The following NUP205 variants were observed in gnomAD, a reference collection of about 807,000 sequenced individuals.
The protein encoded by NUP205 is nucleoporin 205.
A neutral mutation model predicts 253.8 loss-of-function variants in NUP205; 76 were observed. That is an observed-to-expected ratio of 0.30 (90% CI 0.25 to 0.36). The LOEUF (loss-of-function observed/expected upper bound fraction) is 0.36. NUP205 is among the 10% of genes least tolerant of loss of function. NUP205 has a pLI of 1.00. For synonymous variants in NUP205, 832 were observed against 850.1 expected (o/e 0.98, Z 0.37); for missense variants, 2,162 against 2,425.5 (o/e 0.89, Z 2.28).
Position 135,601,424 on chromosome 7 carries a change from T to C in NUP205, c.2429T>C (p.Leu810Pro). The C allele has an allele frequency of 6.2e-7, 1 of 1,613,904 alleles. No individual in the cohort carries two copies. Among genetic ancestry groups the C allele is most frequent in the Non-Finnish European group, 8.5e-7 (1 of 1,179,800 alleles). Residue 810 changes from leucine to proline, a missense_variant, in exon 17 of 43, where the codon CTG (leucine) becomes CCG (proline). By Grantham distance (98) the Leu-to-Pro change is moderately conservative. Coordinates refer to ENST00000285968, the MANE Select transcript of NUP205 (RefSeq NM_015135.3). ...GGATTTAGTCTGATGTATCATCTGC[T>C]GAATGAGTCACCAATGTTGGAGCTT... ...PPGFSLMYHLLNESPMLELAL... is the reference protein window; with the variant it reads ...PPGFSLMYHLPNESPMLELAL...
intron 22 of NUP205, among the ~76,000 whole-genome samples, chr7:135,611,244 A>G (rs934937120): frequency 1.5e-4 from 23 of 152,262 alleles, no homozygotes. Flanking sequence ...TCCTGACCTC[A>G]GGTGATCCGT....
At chr7:135,576,461 A>G in intron 4 of NUP205, 47 bp downstream of exon 4, 1 of 1,533,518 alleles carries the variant, frequency 6.5e-7, no homozygotes, top group Middle Eastern at 1.7e-4. Flanking sequence ...AAATTACTTG[A>G]AGTATGACAA....
chr7:135,575,185 GT>G (rs1394261368), intron 3 of NUP205, among the ~76,000 whole-genome samples: 9 of 152,316 alleles, frequency 5.9e-5, no homozygotes, highest in Non-Finnish European at 1.2e-4. Context: ...AATTAATGCA[GT>G]TTTGTGCAAG....
chr7:135,635,544 TATA>T (rs368192999), intron 35 of NUP205, 34 bp from the exon 36 acceptor site: 30 of 1,101,388 alleles, frequency 2.7e-5, no homozygotes, highest in Middle Eastern at 2.8e-4. Flanking sequence ...TTTTGTTTAT[TATA>T]ATAATATGTT....
intron 30 of NUP205, among the ~76,000 whole-genome samples, 162 bp from the exon 31 acceptor site, chr7:135,622,615 C>T (rs1406999290): frequency 6.6e-6 from 1 of 151,616 alleles, no homozygotes; most frequent in Non-Finnish European, 1.5e-5. Flanking sequence ...CCTGCTTGGA[C>T]CCACCGGTCA....
At position 135,590,333 on chromosome 7, in the gene NUP205, C is replaced by T. The variant is rs573037743; in HGVS notation, c.1474-1117C>T. ...TTCACCATGTTGGTCAGGCTGGTCT[C>T]GAACTCCTGACCTCAGGTGATCCAC... is the stretch of plus-strand genomic sequence containing the variant. On this transcript the variant is annotated intron_variant, in intron 10 of 42. Transcript: ENST00000285968. Among the ~76,000 whole-genome samples, 8 of 141,990 alleles carry T rather than the reference C, an allele frequency of 5.6e-5. No individual in the cohort carries two copies. The East Asian group carries it at 1.4e-3, about 24-fold the overall frequency. 93.2% of individuals were successfully genotyped at this position (141,990 alleles called of 152,430 possible). A position where few individuals can be genotyped will look rare whatever the true frequency, so the allele number is the denominator to read the frequency against.
chr7:135,644,634 A>G (rs1794972210), intron 39 of NUP205, among the ~76,000 whole-genome samples: 1 of 152,216 alleles, frequency 6.6e-6, no homozygotes, highest in African/African-American at 2.4e-5. Flanking sequence ...CAGGAAATTC[A>G]GGGTTTCATC....
intron 32 of NUP205, 117 bp from the exon 33 acceptor site, chr7:135,626,123 A>G (rs1001659909): frequency 8.0e-7 from 1 of 1,246,196 alleles, no homozygotes; most frequent in Admixed American, 2.0e-5. Context: ...TCACTAGCCC[A>G]GATTTCTCTT....
intron 13 of NUP205, among the ~76,000 whole-genome samples, chr7:135,595,959 A>C (rs1793825155): frequency 6.6e-6 from 1 of 151,868 alleles, no homozygotes; most frequent in South Asian, 2.1e-4. Context: ...TTTAAGATGA[A>C]GTTTTGCTCT....
intron 31 of NUP205, among the ~76,000 whole-genome samples, chr7:135,623,341 A>G (rs924167042): frequency 6.6e-6 from 1 of 152,200 alleles, no homozygotes; most frequent in East Asian, 1.9e-4. Flanking sequence ...CATATTAAGA[A>G]TCATTTTTTA....
intron 3 of NUP205, among the ~76,000 whole-genome samples, chr7:135,574,937 A>G (rs763034601): frequency 1.1e-4 from 17 of 152,340 alleles, no homozygotes; most frequent in Non-Finnish European, 1.6e-4. Context: ...AGCCTGCACT[A>G]AAAGAAGTAT....
At chr7:135,622,050 G>A (rs1290222941) in intron 30 of NUP205, among the ~76,000 whole-genome samples, 4 of 149,218 alleles carry the variant, frequency 2.7e-5, no homozygotes, top group African/African-American at 7.3e-5. Flanking sequence ...GTGATCCACC[G>A]CCTCGGCCTC....
At chr7:135,616,579 GT>G (rs1253390479) in intron 24 of NUP205, 75 bp from the exon 25 acceptor site, 3 of 835,418 alleles carry the variant, frequency 3.6e-6, no homozygotes, top group Non-Finnish European at 5.4e-6. Flanking sequence ...GATACCTTGT[GT>G]TTGTTATTTC....
chr7:135,603,690 A>G (rs191214571), intron 18 of NUP205, among the ~76,000 whole-genome samples: 15 of 151,388 alleles, frequency 9.9e-5, no homozygotes, highest in East Asian at 2.0e-4. Flanking sequence ...TTGTATTTTT[A>G]GTAGAGATGG....
chr7:135,575,713 TGAAC>T (rs1327707584), intron 3 of NUP205, among the ~76,000 whole-genome samples: 1 of 152,118 alleles, frequency 6.6e-6, no homozygotes, highest in Non-Finnish European at 1.5e-5. Context: ...GAGAATTGCT[TGAAC>T]CTAGGCGGCA....
intron 7 of NUP205, among the ~76,000 whole-genome samples, chr7:135,580,815 T>C (rs949162607): frequency 1.3e-5 from 2 of 152,042 alleles, no homozygotes; most frequent in Admixed American, 6.6e-5. Flanking sequence ...ATAGTTATTA[T>C]AATATTATGT....
chr7:135,615,031 A>G (rs1794325977), intron 23 of NUP205, among the ~76,000 whole-genome samples: 2 of 152,164 alleles, frequency 1.3e-5, no homozygotes. Flanking sequence ...CTCTATTTTC[A>G]TAAGTGTCTT....
At chr7:135,626,415 G>T in intron 33 of NUP205, 54 bp downstream of exon 33, 1 of 1,553,810 alleles carries the variant, frequency 6.4e-7, no homozygotes, top group Admixed American at 2.0e-5. Flanking sequence ...GATTATTAAG[G>T]GAAGAAAAAA....
intron 31 of NUP205, among the ~76,000 whole-genome samples, chr7:135,623,974 G>C (rs1346613643): frequency 6.6e-6 from 1 of 151,990 alleles, no homozygotes; most frequent in Non-Finnish European, 1.5e-5. Context: ...AGTAGAGACG[G>C]GGTTTCACCA....
Sources: allele counts gnomAD v4.1 joint callset (sites outside exome capture counted in the v4.1 genomes callset), GRCh38; gene constraint gnomAD v4.1.1; transcripts MANE v1.5; gene names NCBI Gene and HGNC (gene_info 2026-07-23, HGNC 2026-07-21).